Variants in ZMYND11 observed in about 807,000 individuals in gnomAD.
The protein encoded by ZMYND11 is zinc finger MYND domain-containing protein 11.
A neutral mutation model predicts 84.9 loss-of-function variants in ZMYND11; 9 were observed. The observed-to-expected ratio is 0.11, with a 90% CI of 0.06 to 0.18. The LOEUF (loss-of-function observed/expected upper bound fraction) is 0.18, where lower values mean the gene tolerates loss of function less well. ZMYND11 is among the 10% of genes least tolerant of loss of function. The pLI, the probability that ZMYND11 is intolerant of heterozygous loss-of-function variation, is 1.00. For missense variants in ZMYND11, 409 were observed against 761.0 expected (o/e 0.54, Z 5.44); for synonymous variants, 250 against 244.1 (o/e 1.02, Z -0.23).
At chr10:133,256 TA>T (rs2130991606), upstream of ZMYND11, among the ~76,000 whole-genome samples, 1 of 152,372 alleles carries the variant, frequency 6.6e-6, no homozygotes, top group African/African-American at 2.4e-5. Context: ...AATGTGTCAT[TA>T]CTAGTGAATT....
chr10:245,843 AG>A (rs1273094308), intron 10 of ZMYND11, among the ~76,000 whole-genome samples: 1 of 152,238 alleles, frequency 6.6e-6, no homozygotes, highest in East Asian at 1.9e-4. Context: ...GAGGCAGTGT[AG>A]GAAGTGCCAT....
chr10:170,336 A>G (rs1844995912), intron 1 of ZMYND11, among the ~76,000 whole-genome samples: 1 of 152,114 alleles, frequency 6.6e-6, no homozygotes, highest in African/African-American at 2.4e-5. Context: ...GCCATTCAAG[A>G]AGGAATAAGG....
chr10:230,465 T>A (rs1948816304), intron 4 of ZMYND11, among the ~76,000 whole-genome samples: 1 of 85,350 alleles, frequency 1.2e-5, no homozygotes. Flanking sequence ...AGAGTGAGAC[T>A]CAGTCTCAAA....
At chr10:213,427 A>G (rs1393124487) in intron 3 of ZMYND11, among the ~76,000 whole-genome samples, 3 of 152,186 alleles carry the variant, frequency 2.0e-5, no homozygotes, top group African/African-American at 7.2e-5. Flanking sequence ...TTAAACTGAA[A>G]GATGTATGTT....
chr10:141,677 A>C (rs1230761053), intron 1 of ZMYND11, among the ~76,000 whole-genome samples: 3 of 152,204 alleles, frequency 2.0e-5, no homozygotes, highest in African/African-American at 7.2e-5. Context: ...AGCTGTATTA[A>C]ATATCAAACA....
At chr10:158,059 A>G (rs1336283797) in intron 1 of ZMYND11, among the ~76,000 whole-genome samples, 1 of 152,216 alleles carries the variant, frequency 6.6e-6, no homozygotes, top group Non-Finnish European at 1.5e-5. Context: ...TTTCCGGCCA[A>G]ATAACATTTC....
Position 248,918 on chromosome 10 carries a change from G to A in ZMYND11, c.1516G>A (p.Glu506Lys). Residue 506 changes from glutamate (E) to lysine (K), a missense_variant, in exon 14 of 15, where the codon GAA (glutamate) becomes AAA (lysine). Glu to Lys is a moderately conservative substitution (Grantham distance 56). This residue lies in a region of ZMYND11 where 141 missense variants were observed against 173.8 expected (regional missense o/e 0.81). Transcript: ENST00000381604. ...TTCATTCCAGCTGCGTTCTGAAATG[G>A]AAGAAGAAAAGAGACAAGCTGTAAA... Reference protein sequence around the residue: ...EALEKLRSEMEEEKRQAVNKA... With the variant: ...EALEKLRSEMKEEKRQAVNKA... 1 of 1,612,416 alleles carries A rather than the reference G, an allele frequency of 6.2e-7. No individual in the cohort carries two copies. The highest frequency in any genetic ancestry group is 8.5e-7 in the Non-Finnish European group (1 of 1,179,070).
intron 1 of ZMYND11, among the ~76,000 whole-genome samples, chr10:157,319 C>G (rs889989187): frequency 2.6e-5 from 4 of 152,112 alleles, no homozygotes; most frequent in Non-Finnish European, 5.9e-5. Flanking sequence ...CCTGCCTCAG[C>G]CTTCCAAGTG....
intron 4 of ZMYND11, among the ~76,000 whole-genome samples, chr10:232,989 A>G (rs1300661961): frequency 6.6e-6 from 1 of 152,192 alleles, no homozygotes; most frequent in Non-Finnish European, 1.5e-5. Context: ...ACCACTTTAC[A>G]TCTTGTCAGA....
At chr10:138,306 TG>T (rs1477136675) in intron 1 of ZMYND11, among the ~76,000 whole-genome samples, 1 of 135,684 alleles carries the variant, frequency 7.4e-6, no homozygotes. Flanking sequence ...GGGGCCGGGG[TG>T]GGGGTGGTTT....
In ZMYND11 at chr10:240,915, A is replaced by G. The variant is rs1950787386; in HGVS notation, c.776A>G (p.Lys259Arg). ...CAGCTGGATGAACTGCAGCTTTGCA[A>G]GAATTGCTTTTACTTGTCAAATGCT... is the stretch of plus-strand genomic sequence containing the variant. ...CHELDELQLC[K>R]NCFYLSNARP... The change falls in exon 9 of 15, where the codon AAG becomes AGG. Residue 259 changes from lysine (K) to arginine (R), a missense_variant. Physicochemically the swap from Lys to Arg is conservative, Grantham distance 26 (BLOSUM62 2). This residue lies in a region of ZMYND11 where 59 missense variants were observed against 151.0 expected (regional missense o/e 0.39). Transcript: ENST00000381604. The G allele has an allele frequency of 1.9e-6, 3 of 1,613,662 alleles. No homozygotes were observed. Among genetic ancestry groups the G allele is most frequent in the Non-Finnish European group, 2.5e-6 (3 of 1,179,918 alleles).
intron 3 of ZMYND11, among the ~76,000 whole-genome samples, chr10:219,863 A>T (rs1408361485): frequency 6.6e-6 from 1 of 152,208 alleles, no homozygotes; most frequent in Non-Finnish European, 1.5e-5. Context: ...GTCAACACAG[A>T]CTGCCAATTT....
chr10:180,346 T>C (rs1344873669), intron 2 of ZMYND11, among the ~76,000 whole-genome samples: 1 of 152,232 alleles, frequency 6.6e-6, no homozygotes, highest in East Asian at 1.9e-4. Flanking sequence ...AAGGAAAATA[T>C]CACTATATAC....
At chr10:205,062 TG>T (rs1257248614) in intron 2 of ZMYND11, among the ~76,000 whole-genome samples, 2 of 152,212 alleles carry the variant, frequency 1.3e-5, no homozygotes, top group African/African-American at 4.8e-5. Flanking sequence ...TGGAGTTACC[TG>T]GTCATTATAA....
At chr10:177,258 T>C (rs573829244) in intron 1 of ZMYND11, among the ~76,000 whole-genome samples, 15 of 152,200 alleles carry the variant, frequency 9.9e-5, no homozygotes, top group Non-Finnish European at 1.9e-4. Context: ...AAGTTGTTTT[T>C]GGTACCTTTG....
At chr10:218,543 T>C (rs906148807) in intron 3 of ZMYND11, 12 of 302,550 alleles carry the variant, frequency 4.0e-5, no homozygotes, top group Non-Finnish European at 8.1e-5. Flanking sequence ...AATTCTGCTT[T>C]ATTTTTTGTA....
At chr10:249,619 T>G in intron 14 of ZMYND11, 1 of 985,452 alleles carries the variant, frequency 1.0e-6, no homozygotes, top group Non-Finnish European at 1.2e-6. Flanking sequence ...CATCGTGTCC[T>G]GCTCGCCAGT....
chr10:208,597 GA>G lies in ZMYND11; in HGVS notation c.117-1291del, dbSNP rs376793469. ...TATTCAGATAGTGCACTCAGTCCCTGAGATAGTTGTTCATGACTCTGCACTG... is the reference window on the plus strand; with the variant it reads ...TATTCAGATAGTGCACTCAGTCCCTGGATAGTTGTTCATGACTCTGCACTG... On this transcript the variant is annotated intron_variant, in intron 2 of 14. Transcript: ENST00000381604. Among the ~76,000 whole-genome samples the G allele has an allele frequency of 1.7e-3, 256 of 152,332 alleles. 1 individual carries two copies. Among genetic ancestry groups the G allele is most frequent in the African/African-American group, 5.8e-3 (240 of 41,570 alleles).
chr10:168,328 T>C (rs782315581), intron 1 of ZMYND11, among the ~76,000 whole-genome samples: 3 of 152,028 alleles, frequency 2.0e-5, no homozygotes, highest in Non-Finnish European at 4.4e-5. Flanking sequence ...GAATTTAATA[T>C]ATAATGCCAG....
Sources: allele counts gnomAD v4.1 joint callset (sites outside exome capture counted in the v4.1 genomes callset), GRCh38; gene constraint gnomAD v4.1.1; regional missense constraint gnomAD v4.1.1; transcripts MANE v1.5; gene names NCBI Gene and HGNC (gene_info 2026-07-23, HGNC 2026-07-21).